The following CSMD1 variants were observed in gnomAD, a reference collection of about 807,000 sequenced individuals.
The protein encoded by CSMD1 is CUB and sushi domain-containing protein 1.
Under a neutral mutation model 417.5 loss-of-function variants are expected in CSMD1, and 213 were observed. That is an observed-to-expected ratio of 0.51 (90% confidence interval 0.46 to 0.57). The LOEUF is 0.57. CSMD1 is among the 20% of genes least tolerant of loss of function. CSMD1 has a pLI of 0.00. For missense variants in CSMD1, 6,923 were observed against 4,529.7 expected (o/e 1.53, Z -15.17); for synonymous variants, 2,862 against 1,736.8 (o/e 1.65, Z -16.11).
At chr8:4,461,719 C>G (rs1213881387) in intron 2 of CSMD1, among the ~76,000 whole-genome samples, 1 of 144,570 alleles carries the variant, frequency 6.9e-6, no homozygotes, top group African/African-American at 2.6e-5. Context: ...GCCAGCTCAT[C>G]TTATTTATTA....
At chr8:4,440,102 A>C (rs989149784) in intron 2 of CSMD1, among the ~76,000 whole-genome samples, 1 of 152,194 alleles carries the variant, frequency 6.6e-6, no homozygotes, top group African/African-American at 2.4e-5. Flanking sequence ...ATATTGGAAA[A>C]GAGGAACTCA....
intron 2 of CSMD1, among the ~76,000 whole-genome samples, chr8:4,503,101 T>C (rs1480251577): frequency 6.6e-5 from 10 of 152,312 alleles, no homozygotes; most frequent in Admixed American, 3.3e-4. Context: ...AACTGTGAAT[T>C]TGAATCTTAG....
intron 1 of CSMD1, among the ~76,000 whole-genome samples, chr8:4,887,007 C>T (rs1320188391): frequency 6.6e-6 from 1 of 151,778 alleles, no homozygotes; most frequent in East Asian, 1.9e-4. Context: ...TATTTCCTTC[C>T]TCTTGCTTGG....
chr8:3,605,752 C>A (rs1428866499), intron 8 of CSMD1, among the ~76,000 whole-genome samples: 1 of 152,210 alleles, frequency 6.6e-6, no homozygotes, highest in East Asian at 1.9e-4. Flanking sequence ...CAAGGACATA[C>A]ATTAACTATT....
At chr8:3,664,637 G>A (rs754381425) in intron 7 of CSMD1, among the ~76,000 whole-genome samples, 62 of 152,170 alleles carry the variant, frequency 4.1e-4, no homozygotes, top group Non-Finnish European at 7.8e-4. Context: ...CAAAGGCTCC[G>A]CCAAGATCAG....
chr8:3,342,899 ATGTGTGTGTGTGTG>A (rs57528661), intron 23 of CSMD1, among the ~76,000 whole-genome samples: 1 of 142,884 alleles, frequency 7.0e-6, no homozygotes, highest in Admixed American at 6.9e-5. Flanking sequence ...ATATGTGTGT[ATGTGTGTGTGTGTG>A]TGTCATTCAA....
chr8:4,150,555 C>A (rs992500175), intron 3 of CSMD1, among the ~76,000 whole-genome samples: 3 of 152,168 alleles, frequency 2.0e-5, no homozygotes, highest in Admixed American at 6.5e-5. Context: ...ATTAACATGA[C>A]CCTGCTGAAG....
intron 3 of CSMD1, among the ~76,000 whole-genome samples, chr8:4,051,262 C>T (rs1185641797): frequency 6.8e-6 from 1 of 147,674 alleles, no homozygotes; most frequent in African/African-American, 2.6e-5. Flanking sequence ...ATTTCTTCAA[C>T]AGTTTTACAA....
At chr8:3,989,177 T>G (rs1364779972) in intron 5 of CSMD1, among the ~76,000 whole-genome samples, 4 of 152,212 alleles carry the variant, frequency 2.6e-5, no homozygotes, top group Non-Finnish European at 4.4e-5. Flanking sequence ...GCTCATTTGC[T>G]CTAGTTAGCA....
intron 3 of CSMD1, among the ~76,000 whole-genome samples, chr8:4,113,909 A>G (rs1801993352): frequency 6.6e-6 from 1 of 152,216 alleles, no homozygotes; most frequent in South Asian, 2.1e-4. Context: ...AAAACTCCGA[A>G]GCCAGCAGAG....
chr8:4,753,911 C>G (rs1310195918), intron 1 of CSMD1, among the ~76,000 whole-genome samples: 1 of 152,208 alleles, frequency 6.6e-6, no homozygotes, highest in Non-Finnish European at 1.5e-5. Flanking sequence ...TCCTGTTCAT[C>G]TGTTACCAGC....
At chr8:4,511,879 T>C (rs753531656) in intron 2 of CSMD1, among the ~76,000 whole-genome samples, 4 of 152,128 alleles carry the variant, frequency 2.6e-5, no homozygotes, top group Non-Finnish European at 5.9e-5. Flanking sequence ...CTCCTCCTGC[T>C]TCCAGCTTGG....
chr8:4,857,082 C>T (rs969352019), intron 1 of CSMD1, among the ~76,000 whole-genome samples: 1 of 149,268 alleles, frequency 6.7e-6, no homozygotes, highest in African/African-American at 2.5e-5. Context: ...GACCACAGTG[C>T]AATCAAACTA....
At chr8:4,599,281 T>C (rs772962015) in intron 2 of CSMD1, among the ~76,000 whole-genome samples, 3 of 152,128 alleles carry the variant, frequency 2.0e-5, no homozygotes, top group Non-Finnish European at 4.4e-5. Flanking sequence ...ATAAACTGTA[T>C]ACTGTGGTGG....
chr8:4,229,813 A>G (rs1801600354), intron 3 of CSMD1, among the ~76,000 whole-genome samples: 1 of 152,002 alleles, frequency 6.6e-6, no homozygotes, highest in Non-Finnish European at 1.5e-5. Context: ...TTTCCCTCAC[A>G]AACGTATGAA....
intron 4 of CSMD1, among the ~76,000 whole-genome samples, chr8:4,001,186 T>G (rs1815643614): frequency 6.6e-6 from 1 of 152,206 alleles, no homozygotes; most frequent in Non-Finnish European, 1.5e-5. Flanking sequence ...AAACATAGAA[T>G]ACAAGTGTAT....
At chr8:4,051,873 C>CTT (rs11447800) in intron 3 of CSMD1, among the ~76,000 whole-genome samples, 2 of 131,142 alleles carry the variant, frequency 1.5e-5, no homozygotes, top group African/African-American at 3.0e-5. Flanking sequence ...TCTTTCCTTC[C>CTT]TCCTTTCTTC....
chr8:4,941,389 G>T (rs931050766), intron 1 of CSMD1, among the ~76,000 whole-genome samples: 1 of 152,036 alleles, frequency 6.6e-6, no homozygotes, highest in African/African-American at 2.4e-5. Flanking sequence ...ATCTTTTGAT[G>T]GTCTAAGATA....
intron 4 of CSMD1, among the ~76,000 whole-genome samples, chr8:4,024,993 T>A (rs986527990): frequency 6.6e-6 from 1 of 152,188 alleles, no homozygotes; most frequent in Non-Finnish European, 1.5e-5. Context: ...CTGGGTGGGT[T>A]TAAACGGCCT....
Sources: allele counts gnomAD v4.1 joint callset (sites outside exome capture counted in the v4.1 genomes callset), GRCh38; gene constraint gnomAD v4.1.1; transcripts MANE v1.5; gene names NCBI Gene and HGNC (gene_info 2026-07-23, HGNC 2026-07-21).